PPP1R16B: variants seen among roughly 807,000 people sequenced by gnomAD.
PPP1R16B encodes the protein protein phosphatase 1 regulatory inhibitor subunit 16B.
In PPP1R16B, 14 loss-of-function variants were observed where a neutral mutation model predicts 61.7. The observed-to-expected ratio is 0.23, with a 90% confidence interval of 0.15 to 0.35. PPP1R16B has a LOEUF of 0.35. PPP1R16B is among the 10% of genes least tolerant of loss of function. The pLI is 1.00. For missense variants in PPP1R16B, 547 were observed against 752.5 expected (o/e 0.73, Z 3.19); for synonymous variants, 266 against 305.3 (o/e 0.87, Z 1.34).
At chr20:38,828,652 C>A (rs767246274) in intron 1 of PPP1R16B, among the ~76,000 whole-genome samples, 7 of 152,188 alleles carry the variant, frequency 4.6e-5, no homozygotes, top group Non-Finnish European at 8.8e-5. Context: ...GTGTGTTGTG[C>A]TTCCAGTTCA....
chr20:38,884,201 G>A (rs2085225774), intron 2 of PPP1R16B, among the ~76,000 whole-genome samples: 1 of 152,250 alleles, frequency 6.6e-6, no homozygotes, highest in Admixed American at 6.5e-5. Context: ...GAGGTAGGGA[G>A]ACAGGACCCC....
chr20:38,862,231 A>C (rs1224295587), intron 2 of PPP1R16B, among the ~76,000 whole-genome samples: 1 of 152,268 alleles, frequency 6.6e-6, no homozygotes, highest in African/African-American at 2.4e-5. Flanking sequence ...ACCCTGAGCC[A>C]GTCCTCATTG....
rs543497397 is a variant in PPP1R16B at position 38,886,665 on chromosome 20, C to G, written c.251-2930C>G. Reference sequence around the variant, plus strand: ...CTGAGGCTAACACCAGGCACTGGGTCTGTAGGAGATGCCTGCGAGCAGAGG... The same window carrying G: ...CTGAGGCTAACACCAGGCACTGGGTGTGTAGGAGATGCCTGCGAGCAGAGG... On this transcript the variant is annotated intron_variant, in intron 2 of 10. Coordinates refer to ENST00000299824, the MANE Select transcript of PPP1R16B (RefSeq NM_015568.4). 2.6e-5 allele frequency among the ~76,000 whole-genome samples: 4 copies of G among 152,356 alleles called. No homozygotes were observed. The East Asian group carries it at 7.7e-4, about 29-fold the overall frequency.
chr20:38,900,498 C>T (rs2085382984), intron 4 of PPP1R16B, 83 bp from the exon 5 acceptor site: 3 of 1,029,888 alleles, frequency 2.9e-6, no homozygotes, highest in East Asian at 2.7e-5. Context: ...AGTAGGATTG[C>T]AGGCGAGAGG....
intron 2 of PPP1R16B, among the ~76,000 whole-genome samples, chr20:38,863,599 G>T (rs963020024): frequency 6.6e-6 from 1 of 152,112 alleles, no homozygotes; most frequent in Admixed American, 6.5e-5. Context: ...TGGGCCAGTC[G>T]CTTTGCCTAT....
chr20:38,820,212 C>G (rs2084763857), intron 1 of PPP1R16B, among the ~76,000 whole-genome samples: 1 of 152,164 alleles, frequency 6.6e-6, no homozygotes, highest in African/African-American at 2.4e-5. Context: ...TACTTTGCGT[C>G]TATTAGAAAT....
At position 38,902,759 on chromosome 20, in the gene PPP1R16B, C is replaced by T. The variant is rs766877232; in HGVS notation, c.663C>T (p.Asp221=). The change falls in exon 6 of 11, where the codon GAC becomes GAT. Residue 221 remains aspartate, a synonymous_variant. Coordinates refer to ENST00000299824, the MANE Select transcript of PPP1R16B (RefSeq NM_015568.4). ...ACTGCATGATCGCAGCGGGCCAGGA[C>T]CTGGACTGGATAGATGCCCAGGGTG... ...DIHCMIAAGQ[D]LDWIDAQGAT... is the part of the protein sequence containing the mutation. The T allele has an allele frequency of 1.2e-6, 2 of 1,614,234 alleles. No individual in the cohort carries two copies. The highest frequency in any genetic ancestry group is 8.5e-7 in the Non-Finnish European group (1 of 1,180,038).
At chr20:38,899,576 A>T (rs1388459053) in intron 4 of PPP1R16B, among the ~76,000 whole-genome samples, 1 of 152,346 alleles carries the variant, frequency 6.6e-6, no homozygotes, top group Non-Finnish European at 1.5e-5. Context: ...AATTCTTCCA[A>T]GGAGTCCCAG....
intron 3 of PPP1R16B, among the ~76,000 whole-genome samples, chr20:38,894,958 C>T (rs903924154): frequency 6.6e-6 from 1 of 152,212 alleles, no homozygotes; most frequent in Admixed American, 6.5e-5. Context: ...CTATCAGGAC[C>T]CCTAGAATGC....
rs2084865658 is a variant in PPP1R16B at position 38,835,852 on chromosome 20, A to G, written c.-74A>G. 6.9e-7 allele frequency: 1 copy of G among 1,440,928 alleles called. No homozygotes were observed. The highest frequency in any genetic ancestry group is 2.5e-5 in the East Asian group (1 of 40,032). The allele number at this position is 1,440,928 out of a possible 1,614,324, so 89.3% of individuals were successfully genotyped here. ...CACACCATGAGGCCCCAGCCCCACC[A>G]GAGGCCCCGCGCTGCCCTGGCCCCC... is the stretch of plus-strand genomic sequence containing the variant. On this transcript the variant is annotated 5_prime_UTR_variant, in exon 2 of 11. Coordinates refer to ENST00000299824, the MANE Select transcript of PPP1R16B (RefSeq NM_015568.4).
At position 38,836,014 on chromosome 20, in the gene PPP1R16B, G is replaced by A. The variant is rs1240988278; in HGVS notation, c.89G>A (p.Arg30Gln). ...CGGCTGCGGGCTGCCCAGAAGCGCC[G>A]GGCCCAGCAGCTGAAGAAATGGGCA... ...LERLRAAQKRRAQQLKKWAQY... is the reference protein window; with the variant it reads ...LERLRAAQKRQAQQLKKWAQY... Residue 30 changes from arginine (R) to glutamine (Q), a missense_variant, in exon 2 of 11, where the codon CGG becomes CAG. Transcript: ENST00000299824. The A allele has an allele frequency of 1.3e-6, 2 of 1,587,650 alleles. No individual in the cohort carries two copies. Among genetic ancestry groups the A allele is most frequent in the Non-Finnish European group, 1.7e-6 (2 of 1,168,192 alleles).
intron 2 of PPP1R16B, among the ~76,000 whole-genome samples, chr20:38,889,392 T>C (rs2085273634): frequency 6.6e-6 from 1 of 152,228 alleles, no homozygotes; most frequent in South Asian, 2.1e-4. Flanking sequence ...TAATTGTTAG[T>C]TCTTGTTATT....
intron 2 of PPP1R16B, among the ~76,000 whole-genome samples, chr20:38,871,795 G>T (rs921824893): frequency 1.3e-5 from 2 of 152,060 alleles, no homozygotes; most frequent in Non-Finnish European, 2.9e-5. Context: ...GTGTGCCCAT[G>T]GTAATGTAAC....
In PPP1R16B at chr20:38,907,187, A is replaced by G; in HGVS notation, c.898+133A>G. On this transcript the variant is annotated intron_variant, in intron 8 of 10. Transcript: ENST00000299824. This position sits in a 1 kb window ranked among gnomAD's most constrained non-coding sequence, Gnocchi z 4.5. ...GTCTAGATAGATAGATGGATTAATT[A>G]ATGGATGGTAGATGAATGGACGGAT... 1 of 702,308 alleles carries G rather than the reference A, an allele frequency of 1.4e-6. No individual in the cohort carries two copies. The highest frequency in any genetic ancestry group is 1.8e-5 in the South Asian group (1 of 56,032). 43.5% of individuals were successfully genotyped at this position (702,308 alleles called of 1,614,324 possible). A position where few individuals can be genotyped will look rare whatever the true frequency, so the allele number is the denominator to read the frequency against.
At chr20:38,870,057 G>A (rs1315357875) in intron 2 of PPP1R16B, among the ~76,000 whole-genome samples, 1 of 152,054 alleles carries the variant, frequency 6.6e-6, no homozygotes, top group Non-Finnish European at 1.5e-5. Context: ...CTGAGTAGCT[G>A]GGATTACAGG....
chr20:38,841,326 G>A (rs1178573575), intron 2 of PPP1R16B, among the ~76,000 whole-genome samples: 5 of 120,172 alleles, frequency 4.2e-5, no homozygotes, highest in Non-Finnish European at 4.8e-5. Flanking sequence ...AGGAGTTCTA[G>A]ACCAGCCTGG....
intron 2 of PPP1R16B, among the ~76,000 whole-genome samples, chr20:38,859,212 T>C (rs890565851): frequency 6.6e-6 from 1 of 152,060 alleles, no homozygotes; most frequent in Non-Finnish European, 1.5e-5. Context: ...TATCTCTTGC[T>C]CATGTGACAG....
intron 1 of PPP1R16B, among the ~76,000 whole-genome samples, chr20:38,819,798 T>A (rs2084761369): frequency 6.6e-6 from 1 of 151,932 alleles, no homozygotes; most frequent in South Asian, 2.1e-4. Flanking sequence ...AAAAAAAAAA[T>A]TGTGATGATT....
intron 2 of PPP1R16B, among the ~76,000 whole-genome samples, chr20:38,843,456 G>A (rs1484700164): frequency 2.6e-5 from 4 of 152,230 alleles, no homozygotes; most frequent in African/African-American, 9.6e-5. Context: ...TTGGCAGGAG[G>A]CCTCAGTTCC....
Sources: allele counts gnomAD v4.1 joint callset (sites outside exome capture counted in the v4.1 genomes callset), GRCh38; gene constraint gnomAD v4.1.1; non-coding constraint Gnocchi (gnomAD v3.1); transcripts MANE v1.5; gene names NCBI Gene and HGNC (gene_info 2026-07-23, HGNC 2026-07-21).